Variants in TRAK1 observed in about 807,000 individuals in gnomAD.
The protein encoded by TRAK1 is trafficking kinesin-binding protein 1.
A neutral mutation model predicts 92.1 loss-of-function variants in TRAK1; 33 were observed. The ratio of observed to expected loss-of-function variants is 0.36; its 90% CI spans 0.27 to 0.48. The LOEUF (loss-of-function observed/expected upper bound fraction) is 0.48, where lower values mean the gene tolerates loss of function less well. Among genes scored for constraint, TRAK1 ranks in the 20% least tolerant of loss-of-function variants. The pLI is 0.99. For missense variants in TRAK1, 1,123 were observed against 1,257.9 expected (o/e 0.89, Z 1.62); for synonymous variants, 521 against 517.3 (o/e 1.01, Z -0.10).
intron 1 of TRAK1, among the ~76,000 whole-genome samples, chr3:42,044,453 T>G (rs1702680285): frequency 6.6e-6 from 1 of 151,950 alleles, no homozygotes; most frequent in Non-Finnish European, 1.5e-5. Context: ...TGAGCCATTG[T>G]GCCTAGCCCA....
intron 2 of TRAK1, among the ~76,000 whole-genome samples, chr3:42,168,345 C>T (rs568910117): frequency 6.6e-6 from 1 of 152,302 alleles, no homozygotes; most frequent in East Asian, 1.9e-4. Flanking sequence ...TGTCATGTAA[C>T]AGGGAAGTGG....
At chr3:42,052,239 A>G (rs1703012669) in intron 1 of TRAK1, among the ~76,000 whole-genome samples, 1 of 152,180 alleles carries the variant, frequency 6.6e-6, no homozygotes, top group Non-Finnish European at 1.5e-5. Flanking sequence ...AGTAGCCCTC[A>G]CTATAGTCCC....
chr3:42,210,235 C>T (rs767369813), intron 14 of TRAK1: 2 of 1,530,186 alleles, frequency 1.3e-6, no homozygotes, highest in Middle Eastern at 1.8e-4. Context: ...CTGTCTGTAG[C>T]TTCCGCTCGT....
intron 1 of TRAK1, among the ~76,000 whole-genome samples, chr3:42,109,732 G>C (rs1424743797): frequency 6.6e-6 from 1 of 152,108 alleles, no homozygotes; most frequent in African/African-American, 2.4e-5. Flanking sequence ...ACTGGATTAA[G>C]AAAATGTGGC....
intron 13 of TRAK1, among the ~76,000 whole-genome samples, chr3:42,205,176 G>A (rs955796890): frequency 6.6e-6 from 1 of 152,196 alleles, no homozygotes; most frequent in Non-Finnish European, 1.5e-5. Context: ...TTATTAAAAT[G>A]TTGGCTTCCC....
intron 2 of TRAK1, among the ~76,000 whole-genome samples, chr3:42,157,088 G>T (rs1489848247): frequency 6.6e-6 from 1 of 151,828 alleles, no homozygotes; most frequent in East Asian, 1.9e-4. Context: ...GGAGGCGGAG[G>T]TTGCAGCAAG....
chr3:42,184,556 G>C (rs1233515136), intron 3 of TRAK1, 129 bp from the exon 4 acceptor site: 1 of 933,484 alleles, frequency 1.1e-6, no homozygotes, highest in African/African-American at 1.6e-5. Context: ...TGCTAACACA[G>C]ATGGTGAATT....
chr3:42,177,392 C>T (rs1056823648), intron 3 of TRAK1, among the ~76,000 whole-genome samples: 3 of 152,068 alleles, frequency 2.0e-5, no homozygotes, highest in East Asian at 1.9e-4. Context: ...CTGAATTTCT[C>T]GGTATTCTGT....
intron 1 of TRAK1, among the ~76,000 whole-genome samples, chr3:42,071,794 A>G (rs1168666006): frequency 6.6e-6 from 1 of 151,104 alleles, no homozygotes; most frequent in Non-Finnish European, 1.5e-5. Flanking sequence ...GACACATGCA[A>G]TGTGGGCTGC....
chr3:42,134,253 C>G (rs983266470), intron 2 of TRAK1, among the ~76,000 whole-genome samples: 1 of 141,106 alleles, frequency 7.1e-6, no homozygotes, highest in African/African-American at 2.6e-5. Context: ...CCCCTTTCCT[C>G]CTTTCTTCCT....
At chr3:42,093,236 T>C (rs1705365153) in intron 1 of TRAK1, among the ~76,000 whole-genome samples, 1 of 151,966 alleles carries the variant, frequency 6.6e-6, no homozygotes, top group African/African-American at 2.4e-5. Context: ...CTTAGTGGAA[T>C]CTCCTTTATT....
chr3:42,114,711 ATTTTTTTTTC>A (rs1708938485), intron 1 of TRAK1, among the ~76,000 whole-genome samples: 1 of 151,208 alleles, frequency 6.6e-6, no homozygotes, highest in South Asian at 2.1e-4. Context: ...AACATACTTA[ATTTTTTTTTC>A]TTTTTTTTTG....
At chr3:42,104,747 C>T (rs143409997) in intron 1 of TRAK1, among the ~76,000 whole-genome samples, 257 of 152,266 alleles carry the variant, frequency 1.7e-3, no homozygotes, top group African/African-American at 5.8e-3. Context: ...TGGGGAGAAA[C>T]CAGAGCAGAA....
At chr3:42,189,274 T>TGCTCTGG (rs2149414656) in intron 6 of TRAK1, 150 bp downstream of exon 6, 1 of 624,094 alleles carries the variant, frequency 1.6e-6, no homozygotes, top group East Asian at 2.8e-5. Flanking sequence ...GCCTCCTCTA[T>TGCTCTGG]GCTCTGGGCA....
intron 3 of TRAK1, among the ~76,000 whole-genome samples, chr3:42,182,183 G>A (rs1259877369): frequency 6.6e-6 from 1 of 152,098 alleles, no homozygotes; most frequent in East Asian, 1.9e-4. Context: ...CAGATGCACC[G>A]TGTCCCCTTT....
chr3:42,155,540 G>A (rs1386396018), intron 2 of TRAK1, among the ~76,000 whole-genome samples: 1 of 152,144 alleles, frequency 6.6e-6, no homozygotes, highest in African/African-American at 2.4e-5. Context: ...AGCTTGTTTT[G>A]TCTGTTTGAG....
At chr3:42,020,564 GT>G (rs1039253166) in intron 1 of TRAK1, among the ~76,000 whole-genome samples, 1 of 151,928 alleles carries the variant, frequency 6.6e-6, no homozygotes, top group Admixed American at 6.6e-5. Flanking sequence ...ATGGACATTT[GT>G]TTTTTTTCCA....
chr3:42,033,163 G>A (rs115188600), intron 1 of TRAK1, among the ~76,000 whole-genome samples: 3,851 of 152,200 alleles, frequency 0.025, 176 homozygotes, highest in African/African-American at 0.087. Flanking sequence ...CCATTCAAGA[G>A]GACAGCCGGT....
At chr3:42,102,961 A>G (rs145082766) in intron 1 of TRAK1, among the ~76,000 whole-genome samples, 1 of 152,238 alleles carries the variant, frequency 6.6e-6, no homozygotes, top group East Asian at 1.9e-4. Context: ...TAACAGCTTC[A>G]TTGAGATATA....
Sources: gnomAD v4.1 joint callset for allele counts (sites outside exome capture counted in the v4.1 genomes callset) on GRCh38, gnomAD v4.1.1 for gene constraint, MANE v1.5 for transcripts, NCBI Gene and HGNC (gene_info 2026-07-23, HGNC 2026-07-21) for gene names.